Variants in TBC1D22A observed in about 807,000 individuals in gnomAD.
The protein encoded by TBC1D22A is putative GTPase activator.
TBC1D22A carries 38 observed loss-of-function variants against 60.2 expected under a neutral mutation model. The ratio of observed to expected loss-of-function variants is 0.63; its 90% CI spans 0.49 to 0.83. The LOEUF is 0.83. Among genes scored for constraint, TBC1D22A ranks in the 40% least tolerant of loss-of-function variants. The probability of loss-of-function intolerance (pLI) is 0.00; values close to 1 mark genes in which losing one functional copy is unlikely to be tolerated. For missense variants in TBC1D22A, 628 were observed against 701.0 expected (o/e 0.90, Z 1.18); for synonymous variants, 302 against 281.7 (o/e 1.07, Z -0.72).
intron 5 of TBC1D22A, among the ~76,000 whole-genome samples, chr22:46,886,119 T>G (rs1285130470): frequency 1.3e-5 from 2 of 152,060 alleles, no homozygotes; most frequent in Non-Finnish European, 2.9e-5. Context: ...CAGGATGGTC[T>G]CAATCTCCTG....
intron 11 of TBC1D22A, among the ~76,000 whole-genome samples, chr22:47,089,042 A>T (rs1000785952): frequency 3.9e-5 from 6 of 152,174 alleles, no homozygotes; most frequent in Non-Finnish European, 7.3e-5. Context: ...CCATGACCAG[A>T]TTGCTTCCAC....
chr22:46,861,920 C>T (rs1432282765), intron 4 of TBC1D22A, among the ~76,000 whole-genome samples: 1 of 152,244 alleles, frequency 6.6e-6, no homozygotes, highest in African/African-American at 2.4e-5. Context: ...AGAGCACAGT[C>T]CCTGGCCCTG....
At chr22:47,079,084 C>CCTT (rs1556117651) in intron 11 of TBC1D22A, among the ~76,000 whole-genome samples, 1 of 124,962 alleles carries the variant, frequency 8.0e-6, no homozygotes, top group African/African-American at 3.0e-5. Context: ...GTAGAGCAGA[C>CCTT]TTTTTTTTTT....
intron 4 of TBC1D22A, among the ~76,000 whole-genome samples, chr22:46,812,325 G>T (rs573339550): frequency 6.6e-6 from 1 of 152,296 alleles, no homozygotes; most frequent in East Asian, 1.9e-4. Context: ...TGGCTTCTCT[G>T]CACCCCCTGT....
intron 11 of TBC1D22A, among the ~76,000 whole-genome samples, chr22:47,048,149 G>A (rs1225625198): frequency 2.0e-5 from 3 of 152,224 alleles, no homozygotes; most frequent in Non-Finnish European, 4.4e-5. Context: ...CTCTCTGGGT[G>A]TAGTTGAGAG....
chr22:47,163,270 A>G (rs1205212743), intron 12 of TBC1D22A, among the ~76,000 whole-genome samples: 1 of 152,108 alleles, frequency 6.6e-6, no homozygotes, highest in African/African-American at 2.4e-5. Context: ...CATCCAGGGC[A>G]GAGGCCATGG....
chr22:46,885,446 G>T (rs1220343847), intron 5 of TBC1D22A, among the ~76,000 whole-genome samples: 1 of 152,230 alleles, frequency 6.6e-6, no homozygotes, highest in Non-Finnish European at 1.5e-5. Flanking sequence ...AGCACTGTGT[G>T]AAGCACGGAG....
rs147407201 is a variant in TBC1D22A, at chr22:46,901,870, C to T, written c.900+7024C>T. Among the ~76,000 whole-genome samples the T allele has an allele frequency of 6.0e-4, 91 of 152,304 alleles. 1 individual carries two copies. The highest frequency in any genetic ancestry group is 2.0e-3 in the African/African-American group (85 of 41,556). On this transcript the variant is annotated intron_variant, in intron 7 of 12. Coordinates refer to ENST00000337137, the MANE Select transcript of TBC1D22A (RefSeq NM_014346.5). ...CCTCTCCCAGAAATTATCTCCATGG[C>T]GCTTTGTATACCGTGATGTCACATT...
intron 10 of TBC1D22A, among the ~76,000 whole-genome samples, chr22:47,002,946 C>T (rs1008284524): frequency 1.3e-5 from 2 of 152,140 alleles, no homozygotes; most frequent in Non-Finnish European, 2.9e-5. Context: ...TCGCCAGGGC[C>T]GCCTAGGGGA....
chr22:47,120,892 T>C (rs1466975784), intron 12 of TBC1D22A, among the ~76,000 whole-genome samples: 1 of 152,166 alleles, frequency 6.6e-6, no homozygotes, highest in African/African-American at 2.4e-5. Context: ...CCCAAGAAAA[T>C]GCCAGTTCAC....
chr22:46,802,790 A>T (rs1330512692), intron 4 of TBC1D22A, among the ~76,000 whole-genome samples: 1 of 125,864 alleles, frequency 7.9e-6, no homozygotes, highest in Non-Finnish European at 1.7e-5. Context: ...GAGGGGCTGG[A>T]GGAGGGTCAG....
chr22:46,776,026 A>G (rs892880898), intron 1 of TBC1D22A, among the ~76,000 whole-genome samples: 2 of 152,220 alleles, frequency 1.3e-5, no homozygotes, highest in Non-Finnish European at 2.9e-5. Flanking sequence ...TCGTTTGCTG[A>G]GGGAGACAGA....
intron 4 of TBC1D22A, among the ~76,000 whole-genome samples, chr22:46,844,042 G>C (rs1044211030): frequency 2.0e-5 from 3 of 151,540 alleles, no homozygotes; most frequent in Non-Finnish European, 4.4e-5. Context: ...TGTCTTCTTG[G>C]CTGTCATTTG....
intron 4 of TBC1D22A, among the ~76,000 whole-genome samples, chr22:46,800,629 A>C (rs1388206410): frequency 6.6e-6 from 1 of 152,236 alleles, no homozygotes; most frequent in African/African-American, 2.4e-5. Context: ...CGTGATAGAC[A>C]TGATGAAAGC....
intron 4 of TBC1D22A, among the ~76,000 whole-genome samples, chr22:46,818,174 A>G (rs1372535474): frequency 2.6e-5 from 4 of 152,312 alleles, no homozygotes; most frequent in South Asian, 2.1e-4. Context: ...ATAGATTGCA[A>G]AAATTTTCTC....
intron 9 of TBC1D22A, among the ~76,000 whole-genome samples, chr22:46,994,280 T>C (rs569668252): frequency 6.6e-6 from 1 of 152,236 alleles, no homozygotes; most frequent in Non-Finnish European, 1.5e-5. Context: ...AGCCACCGAA[T>C]GGCTGACTGA....
intron 11 of TBC1D22A, among the ~76,000 whole-genome samples, chr22:47,047,470 C>G (rs1296518471): frequency 6.6e-6 from 1 of 152,186 alleles, no homozygotes; most frequent in Non-Finnish European, 1.5e-5. Flanking sequence ...CTTCAAGGCA[C>G]CAAACCTTCA....
intron 11 of TBC1D22A, among the ~76,000 whole-genome samples, chr22:47,056,515 C>T (rs896300968): frequency 3.9e-5 from 6 of 152,100 alleles, no homozygotes; most frequent in South Asian, 2.1e-4. Flanking sequence ...TCTTGTGCCC[C>T]GTGCCATCCG....
intron 1 of TBC1D22A, among the ~76,000 whole-genome samples, chr22:46,772,172 T>C (rs1407363905): frequency 0.43 from 50 of 116 alleles, 4 homozygotes; most frequent in African/African-American, 0.51. Context: ...TATACACACA[T>C]ATACATATAT....
Sources: gnomAD v4.1 joint callset for allele counts (sites outside exome capture counted in the v4.1 genomes callset) on GRCh38, gnomAD v4.1.1 for gene constraint, MANE v1.5 for transcripts, NCBI Gene and HGNC (gene_info 2026-07-23, HGNC 2026-07-21) for gene names.